Variants in GUCY1B1 observed in about 807,000 individuals in gnomAD.
The protein encoded by GUCY1B1 is guanylate cyclase soluble subunit beta-1.
Under a neutral mutation model 71.0 loss-of-function variants are expected in GUCY1B1, and 43 were observed. The ratio of observed to expected loss-of-function variants is 0.61; its 90% CI spans 0.47 to 0.78. The LOEUF (loss-of-function observed/expected upper bound fraction) is 0.78. Among genes scored for constraint, GUCY1B1 ranks in the 30% least tolerant of loss-of-function variants. The pLI is 0.00. For synonymous variants in GUCY1B1, 266 were observed against 259.7 expected, an observed-to-expected ratio of 1.02 and a Z score of -0.23; for missense variants, 535 against 754.1, an observed-to-expected ratio of 0.71 and a Z score of 3.40.
In GUCY1B1 at chr4:155,802,784, T is replaced by G. The variant is rs746478607; in HGVS notation, c.1413+205T>G. Among the ~76,000 whole-genome samples the G allele has an allele frequency of 1.5e-4, 23 of 152,200 alleles. No homozygotes were observed. Among genetic ancestry groups the G allele is most frequent in the Non-Finnish European group, 3.2e-4 (22 of 68,038 alleles). ...CTCTTCCTTGTAACCACAATGAATG[T>G]TTCATGAAGTGGGTGATTCCCTGGT... On this transcript the variant is annotated intron_variant, in intron 10 of 13. Coordinates refer to ENST00000264424, the MANE Select transcript of GUCY1B1 (RefSeq NM_000857.5). The surrounding 1 kb of genome is among the most constrained non-coding windows in gnomAD (Gnocchi z 4.3).
rs1043030292 is a variant in GUCY1B1, at chr4:155,806,644, G to A, written c.*235G>A. The stretch of plus-strand genomic sequence containing the variant: ...CTAAAGTTTGGCTTTTGATGTGGAT[G>A]ATGTGAGCTTCATGTGTCTTAAAAT... On this transcript the variant is annotated 3_prime_UTR_variant, in exon 14 of 14. Transcript: ENST00000264424. The A allele has an allele frequency of 1.9e-5, 8 of 428,058 alleles. No individual in the cohort carries two copies. Among genetic ancestry groups the A allele is most frequent in the Non-Finnish European group, 3.3e-5 (8 of 241,018 alleles). 26.5% of individuals were successfully genotyped at this position (428,058 alleles called of 1,614,324 possible).
intron 4 of GUCY1B1, among the ~76,000 whole-genome samples, chr4:155,781,587 G>A (rs946266501): frequency 1.3e-5 from 2 of 151,384 alleles, no homozygotes; most frequent in African/African-American, 4.9e-5. Context: ...GATATATTTA[G>A]GATAAATAAA....
chr4:155,775,101 A>C (rs754476815), intron 3 of GUCY1B1, 33 bp downstream of exon 3: 1 of 1,080,770 alleles, frequency 9.3e-7, no homozygotes. Flanking sequence ...TCTTTGGCCA[A>C]GTTACACGTA....
intron 9 of GUCY1B1, among the ~76,000 whole-genome samples, chr4:155,800,448 G>A (rs1295482285): frequency 2.0e-5 from 3 of 152,096 alleles, no homozygotes; most frequent in African/African-American, 4.8e-5. Flanking sequence ...GGGCTGCCGC[G>A]TGCAGAGAGC....
At chr4:155,785,232 T>A in intron 4 of GUCY1B1, 1 of 940,794 alleles carries the variant, frequency 1.1e-6, no homozygotes, top group Non-Finnish European at 1.6e-6. Context: ...ACTCTCTATA[T>A]TTTTCCTGTT....
chr4:155,773,923 G>A (rs868573035), intron 2 of GUCY1B1, among the ~76,000 whole-genome samples: 9 of 152,098 alleles, frequency 5.9e-5, no homozygotes, highest in Non-Finnish European at 1.0e-4. Flanking sequence ...TCCTGACCTC[G>A]TGATCTGTCA....
Position 155,767,297 on chromosome 4 carries a change from G to A in GUCY1B1, c.77+7437G>A, listed in dbSNP as rs145437642. 7.2e-4 allele frequency among the ~76,000 whole-genome samples: 109 copies of A among 152,214 alleles called. 1 individual carries two copies. The East Asian group carries it at 0.019, about 26-fold the overall frequency. On this transcript the variant is annotated intron_variant, in intron 2 of 13. Coordinates refer to ENST00000264424, the MANE Select transcript of GUCY1B1 (RefSeq NM_000857.5). ...TTTTGACAACAATATTTTTAAAGGCGAATTGACATGAAGCATATACACAAG... is the reference window on the plus strand; with the variant it reads ...TTTTGACAACAATATTTTTAAAGGCAAATTGACATGAAGCATATACACAAG...
intron 2 of GUCY1B1, 40 bp downstream of exon 2, chr4:155,759,900 C>T (rs373178309): frequency 1.3e-6 from 2 of 1,500,542 alleles, no homozygotes; most frequent in South Asian, 1.1e-5. Context: ...CAGGTCGGCG[C>T]CCAGTGTGGG....
At chr4:155,780,454 T>C (rs1178004346) in intron 4 of GUCY1B1, among the ~76,000 whole-genome samples, 6 of 152,182 alleles carry the variant, frequency 3.9e-5, no homozygotes, top group East Asian at 1.9e-4. Flanking sequence ...CTTATTTTCA[T>C]AGGACACTCT....
intron 4 of GUCY1B1, among the ~76,000 whole-genome samples, chr4:155,783,474 C>T (rs62328464): frequency 0.041 from 6,220 of 152,202 alleles, 157 homozygotes; most frequent in Non-Finnish European, 0.06. Context: ...GTTAGATCAG[C>T]GTTCTTTCAT....
chr4:155,794,158 T>C (rs1399726790), intron 6 of GUCY1B1, 72 bp downstream of exon 6: 7 of 787,216 alleles, frequency 8.9e-6, no homozygotes, highest in Non-Finnish European at 1.5e-5. Context: ...CAGGCAGCCA[T>C]CCATTCATTT....
intron 12 of GUCY1B1, 34 bp downstream of exon 12, chr4:155,804,781 CAAAG>C: frequency 6.4e-7 from 1 of 1,569,144 alleles, no homozygotes; most frequent in Non-Finnish European, 8.7e-7. Flanking sequence ...TACTGATTTG[CAAAG>C]AAAATGTGTC....
At chr4:155,798,472 T>A (rs1739719178) in intron 8 of GUCY1B1, among the ~76,000 whole-genome samples, 1 of 152,230 alleles carries the variant, frequency 6.6e-6, no homozygotes, top group Non-Finnish European at 1.5e-5. Context: ...TGTGTCTTTT[T>A]CTGCAAGTGG....
At chr4:155,782,118 C>A (rs1029321209) in intron 4 of GUCY1B1, among the ~76,000 whole-genome samples, 4 of 152,002 alleles carry the variant, frequency 2.6e-5, no homozygotes, top group Non-Finnish European at 5.9e-5. Context: ...CTCTGTCGCC[C>A]AGGCTGGAGT....
intron 4 of GUCY1B1, among the ~76,000 whole-genome samples, chr4:155,784,745 T>C (rs1738653467): frequency 6.6e-6 from 1 of 152,196 alleles, no homozygotes; most frequent in Non-Finnish European, 1.5e-5. Context: ...AGGCAAGGTC[T>C]TACCCATTTC....
chr4:155,800,516 G>A (rs1739874041), intron 9 of GUCY1B1, among the ~76,000 whole-genome samples: 1 of 152,004 alleles, frequency 6.6e-6, no homozygotes, highest in Admixed American at 6.6e-5. Context: ...TTATTTTCTG[G>A]GACCTTGAAT....
At chr4:155,792,761 TTGTAA>T (rs1739266589) in intron 5 of GUCY1B1, among the ~76,000 whole-genome samples, 1 of 152,188 alleles carries the variant, frequency 6.6e-6, no homozygotes, top group Non-Finnish European at 1.5e-5. Flanking sequence ...AGTTTTCCCT[TTGTAA>T]GAGGGCTCAT....
At chr4:155,769,038 C>T (rs897166950) in intron 2 of GUCY1B1, among the ~76,000 whole-genome samples, 1 of 152,112 alleles carries the variant, frequency 6.6e-6, no homozygotes, top group Non-Finnish European at 1.5e-5. Flanking sequence ...CTTGCCATTT[C>T]CTCTTTCTCC....
intron 4 of GUCY1B1, among the ~76,000 whole-genome samples, chr4:155,788,548 C>T (rs1738952970): frequency 6.6e-6 from 1 of 152,192 alleles, no homozygotes. Context: ...GGTCCATAAC[C>T]CTCATCACAT....
Sources: allele counts gnomAD v4.1 joint callset (sites outside exome capture counted in the v4.1 genomes callset), GRCh38; gene constraint gnomAD v4.1.1; non-coding constraint Gnocchi (gnomAD v3.1); transcripts MANE v1.5; gene names NCBI Gene and HGNC (gene_info 2026-07-23, HGNC 2026-07-21).